The following NUP58 variants were observed in gnomAD, a reference collection of about 807,000 sequenced individuals.
NUP58 encodes the protein nucleoporin 58, also known as nucleoporin p58/p45.
In NUP58, 17 loss-of-function variants were observed where a neutral mutation model predicts 70.1. That is an observed-to-expected ratio of 0.24 (90% CI 0.17 to 0.36). The LOEUF (loss-of-function observed/expected upper bound fraction) is 0.36, where lower values mean the gene tolerates loss of function less well. Ranked by LOEUF, NUP58 falls within the 10% of genes least tolerant of loss-of-function variation. The pLI, the probability that NUP58 is intolerant of heterozygous loss-of-function variation, is 1.00. For synonymous variants in NUP58, 275 were observed against 257.6 expected (o/e 1.07, Z -0.65); for missense variants, 644 against 701.5 (o/e 0.92, Z 0.93).
chr13:25,329,677 C>T (rs1441980748), intron 12 of NUP58, among the ~76,000 whole-genome samples: 1 of 151,776 alleles, frequency 6.6e-6, no homozygotes, highest in Admixed American at 6.6e-5. Flanking sequence ...TTTTTTTGTT[C>T]GTTTTGTTTT....
chr13:25,315,111 A>C (rs1045825351), intron 5 of NUP58, among the ~76,000 whole-genome samples: 5 of 152,190 alleles, frequency 3.3e-5, no homozygotes, highest in African/African-American at 1.2e-4. Flanking sequence ...TACATACTGA[A>C]TTGATATATG....
At chr13:25,325,190 T>C in intron 10 of NUP58, 122 bp downstream of exon 10, 1 of 663,226 alleles carries the variant, frequency 1.5e-6, no homozygotes, top group South Asian at 2.0e-5. Context: ...ATAAGCACTT[T>C]ACATGGATTT....
chr13:25,327,567 C>A, intron 12 of NUP58, 55 bp downstream of exon 12: 2 of 1,137,904 alleles, frequency 1.8e-6, no homozygotes, highest in South Asian at 1.4e-5. Flanking sequence ...AGTATTTGTT[C>A]ATCTGGGGAC....
At chr13:25,304,476 GATT>G (rs1337301592) in intron 1 of NUP58, among the ~76,000 whole-genome samples, 5 of 81,566 alleles carry the variant, frequency 6.1e-5, no homozygotes, top group Non-Finnish European at 1.1e-4. Context: ...ATGTTGTCAA[GATT>G]ATATATATAT....
Position 25,301,762 on chromosome 13 carries a change from C to G in NUP58, c.-12C>G. 1 of 1,586,884 alleles carries G rather than the reference C, an allele frequency of 6.3e-7. No individual in the cohort carries two copies. The highest frequency in any genetic ancestry group is 1.1e-5 in the South Asian group (1 of 89,186). On this transcript the variant is annotated 5_prime_UTR_variant, in exon 1 of 16. Transcript: ENST00000381736. ...ATTTCGCCTTGCTGACGGCGTCGAGCCCTGGCCAGACATGTCCACAGGGTT... is the reference window on the plus strand; with the variant it reads ...ATTTCGCCTTGCTGACGGCGTCGAGGCCTGGCCAGACATGTCCACAGGGTT...
At chr13:25,302,393 T>TA (rs201756215) in intron 1 of NUP58, among the ~76,000 whole-genome samples, 38 of 152,152 alleles carry the variant, frequency 2.5e-4, no homozygotes, top group African/African-American at 5.3e-4. Flanking sequence ...CTGTTTTTGT[T>TA]AAAAAAAACA....
intron 15 of NUP58, 22 bp from the exon 16 acceptor site, chr13:25,339,943 T>C: frequency 6.5e-7 from 1 of 1,544,540 alleles, no homozygotes; most frequent in Non-Finnish European, 8.7e-7. Flanking sequence ...CTGATATGAA[T>C]ATTTTTTTCC....
intron 3 of NUP58, among the ~76,000 whole-genome samples, chr13:25,309,745 A>T (rs1026161628): frequency 4.6e-5 from 7 of 152,234 alleles, no homozygotes. Flanking sequence ...GAATGTGAAT[A>T]ACTAGGGTTT....
In NUP58 at chr13:25,306,544, G is replaced by A. The variant is rs181355967; in HGVS notation, c.108-1262G>A. Among the ~76,000 whole-genome samples, 155 of 152,286 alleles carry A rather than the reference G, an allele frequency of 1.0e-3. 1 individual carries two copies. The highest frequency in any genetic ancestry group is 1.7e-3 in the Admixed American group (26 of 15,292). ...ACTGGAACCCAGCCACACTACTGCT[G>A]CCAGGGCTTTTGAGACTTTAAAAAT... On this transcript the variant is annotated intron_variant, in intron 1 of 15. Transcript: ENST00000381736.
chr13:25,306,742 G>A (rs2030382004), intron 1 of NUP58, among the ~76,000 whole-genome samples: 1 of 152,114 alleles, frequency 6.6e-6, no homozygotes, highest in Non-Finnish European at 1.5e-5. Context: ...TTCACAGTTT[G>A]TCTTCCCACC....
chr13:25,335,093 A>G (rs1156836612), intron 13 of NUP58: 9 of 985,108 alleles, frequency 9.1e-6, no homozygotes, highest in Non-Finnish European at 9.6e-6. Context: ...AGTTTTTACT[A>G]TTAAAAAATG....
In NUP58 at chr13:25,302,942, T is replaced by C. The variant is rs73466642; in HGVS notation, c.107+1062T>C. The C allele has an allele frequency of 2.9e-3, 1,345 of 456,598 alleles. 10 individuals carry two copies. Among genetic ancestry groups the C allele is most frequent in the African/African-American group, 0.018 (887 of 50,206 alleles). The allele number at this position is 456,598 out of a possible 1,614,324, so 28.3% of individuals were successfully genotyped here. ...TTATTTCCAGTTCCACAACCCTGCT[T>C]AGGCTATTGTCATTCGTGGAACAAA... On this transcript the variant is annotated intron_variant, in intron 1 of 15. Coordinates refer to ENST00000381736, the MANE Select transcript of NUP58 (RefSeq NM_014089.4).
At chr13:25,319,435 AATATC>A in intron 7 of NUP58, 85 bp downstream of exon 7, 1 of 1,274,316 alleles carries the variant, frequency 7.8e-7, no homozygotes, top group South Asian at 1.3e-5. Flanking sequence ...ATTGAAAGTA[AATATC>A]ATATACATTT....
Position 25,331,568 on chromosome 13 carries a change from C to A in NUP58, c.1435+10C>A. ...CAACAGCCTGCTACAGGTCTGAACG[C>A]ATTCAAGTTATAGCTTCTTACTGTT... On this transcript the variant is annotated intron_variant, in intron 13 of 15. Transcript: ENST00000381736. The A allele has an allele frequency of 5.6e-6, 9 of 1,612,712 alleles. No homozygotes were observed. The highest frequency in any genetic ancestry group is 7.6e-6 in the Non-Finnish European group (9 of 1,179,272).
Position 25,313,040 on chromosome 13 carries a change from A to G in NUP58, c.436+8A>G, listed in dbSNP as rs765584784. The G allele has an allele frequency of 1.7e-5, 28 of 1,609,488 alleles. No individual in the cohort carries two copies. Among genetic ancestry groups the G allele is most frequent in the Middle Eastern group, 3.3e-4 (2 of 6,056 alleles). On this transcript the variant is annotated splice_region_variant and intron_variant, in intron 4 of 15. Transcript: ENST00000381736. ...TGACATCAACTCCAGCAGGTGAGGC[A>G]GAATGAAAAACCGTTGCATTTAATG...
At chr13:25,339,505 A>T (rs1359282890) in intron 15 of NUP58, among the ~76,000 whole-genome samples, 2 of 152,228 alleles carry the variant, frequency 1.3e-5, no homozygotes, top group African/African-American at 2.4e-5. Context: ...TATAAAATCA[A>T]AACAGTAAGT....
chr13:25,302,056 C>T lies in NUP58; in HGVS notation c.107+176C>T, dbSNP rs556391764. Among the ~76,000 whole-genome samples, 14 of 152,364 alleles carry T rather than the reference C, an allele frequency of 9.2e-5. No homozygotes were observed. In the South Asian group the frequency reaches 2.5e-3, roughly 27 times the overall value. On this transcript the variant is annotated intron_variant, in intron 1 of 15. Transcript: ENST00000381736. ...GGCCTCTCGCCGCGGTACCCGGGCC[C>T]AGCGCGGCCTGGTGAAGTGGAGGGC...
chr13:25,301,958 C>A, intron 1 of NUP58, 78 bp downstream of exon 1: 1 of 901,462 alleles, frequency 1.1e-6, no homozygotes, highest in Non-Finnish European at 1.7e-6. Flanking sequence ...GTGTCCCCAT[C>A]CTGTCTCTTC....
chr13:25,340,029 T>C lies in NUP58; in HGVS notation c.1695T>C (p.Gly565=), dbSNP rs775784721. Residue 565 remains glycine, a synonymous_variant, in exon 16 of 16, where the codon GGT becomes GGC. Coordinates refer to ENST00000381736, the MANE Select transcript of NUP58 (RefSeq NM_014089.4). The stretch of plus-strand genomic sequence containing the variant: ...ATCCTGGCATCACGGCATCAGCTGG[T>C]TTGACTTTTGGGGTGTCCAATCCTG... ...FSNPGITASA[G]LTFGVSNPAS... is the part of the protein sequence containing the mutation. The C allele has an allele frequency of 7.4e-6, 12 of 1,613,694 alleles. No individual in the cohort carries two copies. Among genetic ancestry groups the C allele is most frequent in the Admixed American group, 3.3e-5 (2 of 59,942 alleles).
Sources: allele counts gnomAD v4.1 joint callset (sites outside exome capture counted in the v4.1 genomes callset), GRCh38; gene constraint gnomAD v4.1.1; transcripts MANE v1.5; gene names NCBI Gene and HGNC (gene_info 2026-07-23, HGNC 2026-07-21).